SLC6A20: variants seen among roughly 807,000 people sequenced by gnomAD.
SLC6A20 encodes the protein sodium- and chloride-dependent transporter XTRP3.
Under a neutral mutation model 64.3 loss-of-function variants are expected in SLC6A20, and 73 were observed. The observed-to-expected ratio is 1.14, with a 90% CI of 0.94 to 1.38. SLC6A20 has a LOEUF of 1.38. SLC6A20 is among the 40% of genes most tolerant of loss of function. The pLI is 0.00. For synonymous variants in SLC6A20, 347 were observed against 329.6 expected (o/e 1.05, Z -0.57); for missense variants, 725 against 772.8 (o/e 0.94, Z 0.73).
chr3:45,785,613 T>TTCTCTCTCTCTCTCTCTCTCTCTCTCTC lies in SLC6A20; in HGVS notation c.122-3418_122-3391dup, dbSNP rs60563353. On this transcript the variant is annotated intron_variant, in intron 1 of 10. Transcript: ENST00000358525. ...GAGTTAATACTTAATAAACTCCCCT[T>TTCTCTCTCTCTCTCTCTCTCTCTCTCTC]TCTCTCTCTCTCTCTCTCTCTCTCT... Among the ~76,000 whole-genome samples, 111 of 141,070 alleles carry TTCTCTCTCTCTCTCTCTCTCTCTCTCTC rather than the reference T, an allele frequency of 7.9e-4. 1 individual carries two copies. The highest frequency in any genetic ancestry group is 2.7e-3 in the African/African-American group (100 of 36,944). The allele number at this position is 141,070 out of a possible 152,430, so 92.5% of individuals were successfully genotyped here. A position where few individuals can be genotyped will look rare whatever the true frequency, so the allele number is the denominator to read the frequency against.
chr3:45,773,261 A>G (rs1432992763), intron 4 of SLC6A20, among the ~76,000 whole-genome samples: 1 of 152,250 alleles, frequency 6.6e-6, no homozygotes, highest in East Asian at 1.9e-4. Context: ...TCCCCATAAT[A>G]AACACAATAG....
intron 5 of SLC6A20, 104 bp downstream of exon 5, chr3:45,772,401 G>T: frequency 9.7e-7 from 1 of 1,026,864 alleles, no homozygotes; most frequent in Non-Finnish European, 1.4e-6. Flanking sequence ...GCTTCCGTAG[G>T]TACAGCGTTG....
At chr3:45,763,144 C>G in intron 8 of SLC6A20, 72 bp from the exon 9 acceptor site, 1 of 1,581,424 alleles carries the variant, frequency 6.3e-7, no homozygotes, top group Non-Finnish European at 8.6e-7. Flanking sequence ...CTCTACAGGA[C>G]AGTGGGGTCG....
chr3:45,782,532 C>A (rs1164788596), intron 1 of SLC6A20, among the ~76,000 whole-genome samples: 1 of 152,024 alleles, frequency 6.6e-6, no homozygotes, highest in Non-Finnish European at 1.5e-5. Context: ...TTCCATCCTT[C>A]CATCTATCCA....
intron 1 of SLC6A20, 81 bp downstream of exon 1, chr3:45,796,218 A>G: frequency 1.3e-6 from 2 of 1,531,328 alleles, no homozygotes; most frequent in South Asian, 2.4e-5. Context: ...CCGTTCTGTA[A>G]CTTGGGTCTA....
At chr3:45,774,122 T>G (rs971785995) in intron 4 of SLC6A20, among the ~76,000 whole-genome samples, 1 of 152,160 alleles carries the variant, frequency 6.6e-6, no homozygotes, top group African/African-American at 2.4e-5. Flanking sequence ...GGAAACAAAG[T>G]CGATTCCAAC....
rs1699596730 is a variant in SLC6A20 at position 45,758,901 on chromosome 3, C to T, written c.*77G>A. On this transcript the variant is annotated 3_prime_UTR_variant, in exon 11 of 11. Coordinates refer to ENST00000358525, the MANE Select transcript of SLC6A20 (RefSeq NM_020208.4). ...ATGGGCTGAGCACTCCTGGCTTAAG[C>T]ATTTGAAAAAGCAGCCGAGGAGTTT... 6 of 1,500,554 alleles carry T rather than the reference C, an allele frequency of 4.0e-6. No homozygotes were observed. The highest frequency in any genetic ancestry group is 5.3e-6 in the Non-Finnish European group (6 of 1,124,534). The allele number at this position is 1,500,554 out of a possible 1,614,324, so 93.0% of individuals were successfully genotyped here. A position where few individuals can be genotyped will look rare whatever the true frequency, so the allele number is the denominator to read the frequency against.
intron 3 of SLC6A20, among the ~76,000 whole-genome samples, chr3:45,777,923 G>A (rs1699998466): frequency 6.6e-6 from 1 of 152,162 alleles, no homozygotes; most frequent in Non-Finnish European, 1.5e-5. Context: ...ATCTGTTTGG[G>A]ATAGGGCCTG....
At chr3:45,768,080 T>C (rs1202288763) in intron 7 of SLC6A20, among the ~76,000 whole-genome samples, 2 of 152,172 alleles carry the variant, frequency 1.3e-5, no homozygotes, top group African/African-American at 4.8e-5. Context: ...AAGAGCTGTA[T>C]AAAATAACCA....
At chr3:45,768,457 G>A (rs1699808717) in intron 7 of SLC6A20, among the ~76,000 whole-genome samples, 1 of 152,260 alleles carries the variant, frequency 6.6e-6, no homozygotes, top group Non-Finnish European at 1.5e-5. Flanking sequence ...ATAAAGGAAA[G>A]TTGAAGTGAG....
chr3:45,776,926 A>G (rs1247424006), intron 3 of SLC6A20, among the ~76,000 whole-genome samples: 1 of 152,190 alleles, frequency 6.6e-6, no homozygotes, highest in Non-Finnish European at 1.5e-5. Flanking sequence ...ACTTATGAAC[A>G]AAGGAGCCTC....
At position 45,765,520 on chromosome 3, in the gene SLC6A20, T is replaced by C; in HGVS notation, c.1303+17A>G. On this transcript the variant is annotated intron_variant, in intron 8 of 10. Transcript: ENST00000358525. This position sits in a 1 kb window ranked among gnomAD's most constrained non-coding sequence, Gnocchi z 4.2. ...CCCTCCTGACCCCTGCCTCCTCCAC[T>C]GGCTGGCCCCGCTGACCTGAGATGG... is the stretch of plus-strand genomic sequence containing the variant. 1 of 1,605,598 alleles carries C rather than the reference T, an allele frequency of 6.2e-7. No homozygotes were observed. The highest frequency in any genetic ancestry group is 8.5e-7 in the Non-Finnish European group (1 of 1,176,394).
intron 10 of SLC6A20, among the ~76,000 whole-genome samples, chr3:45,759,534 G>A (rs1259711226): frequency 2.0e-5 from 3 of 152,336 alleles, no homozygotes; most frequent in Non-Finnish European, 4.4e-5. Context: ...TGTCTGCTGC[G>A]GTAGGCGCGG....
Position 45,780,140 on chromosome 3 carries a change from G to A in SLC6A20, c.263-40C>T, listed in dbSNP as rs1700051004. The A allele has an allele frequency of 3.9e-6, 6 of 1,545,452 alleles. No individual in the cohort carries two copies. The East Asian group carries it at 7.3e-5, about 19-fold the overall frequency. ...AGGGCCGCGCTGAGGACTGAGGATG[G>A]CCCTTCCCCCTCCGCCAGGCCCAGC... On this transcript the variant is annotated intron_variant, in intron 2 of 10. Coordinates refer to ENST00000358525, the MANE Select transcript of SLC6A20 (RefSeq NM_020208.4).
chr3:45,782,120 G>A lies in SLC6A20; in HGVS notation c.225C>T (p.Gly75=), dbSNP rs367695069. 1.7e-5 allele frequency: 27 copies of A among 1,612,882 alleles called. No individual in the cohort carries two copies. Among genetic ancestry groups the A allele is most frequent in the African/African-American group, 2.7e-5 (2 of 74,866 alleles). Residue 75 remains glycine (G), a synonymous_variant, in exon 2 of 11, where the codon GGC becomes GGT. Transcript: ENST00000358525. The part of the protein sequence containing the change: ...VGQRMRQGSI[G]AWRTISPYLS... Reference sequence around the variant, plus strand: ...GGTACGGGCTGATGGTCCTCCAGGCGCCGATGCTGCCCTGCCGCATGCGCT... The same window carrying A: ...GGTACGGGCTGATGGTCCTCCAGGCACCGATGCTGCCCTGCCGCATGCGCT...
chr3:45,793,275 A>G (rs1002057641), intron 1 of SLC6A20, among the ~76,000 whole-genome samples: 2 of 152,198 alleles, frequency 1.3e-5, no homozygotes, highest in African/African-American at 4.8e-5. Flanking sequence ...TATTTCCACC[A>G]GTCACACAAC....
At chr3:45,789,298 G>A (rs1700212002) in intron 1 of SLC6A20, among the ~76,000 whole-genome samples, 1 of 152,150 alleles carries the variant, frequency 6.6e-6, no homozygotes, top group African/African-American at 2.4e-5. Context: ...ACTTCATAAT[G>A]TAAAAGATCA....
In SLC6A20 at chr3:45,757,433, T is replaced by C. The variant is rs1398164276; in HGVS notation, c.*1545A>G. 5 of 152,280 alleles carry C rather than the reference T, an allele frequency of 3.3e-5. No homozygotes were observed. Among genetic ancestry groups the C allele is most frequent in the Non-Finnish European group, 7.3e-5 (5 of 68,090 alleles). 9.4% of individuals were successfully genotyped at this position (152,280 alleles called of 1,614,324 possible). ...TTGGGCAGAGGTCCCTGCAGCTTTCTGCTGTGCATTGTGTCCCTGGTTAAT... is the reference window on the plus strand; with the variant it reads ...TTGGGCAGAGGTCCCTGCAGCTTTCCGCTGTGCATTGTGTCCCTGGTTAAT... On this transcript the variant is annotated 3_prime_UTR_variant, in exon 11 of 11. Coordinates refer to ENST00000358525, the MANE Select transcript of SLC6A20 (RefSeq NM_020208.4).
chr3:45,775,318 C>A (rs1444600540), intron 4 of SLC6A20, among the ~76,000 whole-genome samples: 1 of 152,116 alleles, frequency 6.6e-6, no homozygotes, highest in Non-Finnish European at 1.5e-5. Context: ...CTGGTTACTG[C>A]AGAATTTTGG....
Sources: allele counts gnomAD v4.1 joint callset (sites outside exome capture counted in the v4.1 genomes callset), GRCh38; gene constraint gnomAD v4.1.1; non-coding constraint Gnocchi (gnomAD v3.1); transcripts MANE v1.5; gene names NCBI Gene and HGNC (gene_info 2026-07-23, HGNC 2026-07-21).